The following PHLPP1 variants were observed in gnomAD, a reference collection of about 807,000 sequenced individuals.
PHLPP1 encodes the protein PH domain and leucine rich repeat protein phosphatase 1.
Under a neutral mutation model 117.2 loss-of-function variants are expected in PHLPP1, and 42 were observed. That is an observed-to-expected ratio of 0.36 (90% CI 0.28 to 0.46). The LOEUF (loss-of-function observed/expected upper bound fraction) is 0.46, where lower values mean the gene tolerates loss of function less well. Among genes scored for constraint, PHLPP1 ranks in the 20% least tolerant of loss-of-function variants. The pLI, the probability that PHLPP1 is intolerant of heterozygous loss-of-function variation, is 1.00. For missense variants in PHLPP1, 2,084 were observed against 2,241.9 expected, an observed-to-expected ratio of 0.93 and a Z score of 1.42; for synonymous variants, 1,042 against 970.7, an observed-to-expected ratio of 1.07 and a Z score of -1.37.
At chr18:62,767,037 C>T (rs552396403) in intron 1 of PHLPP1, among the ~76,000 whole-genome samples, 39 of 152,190 alleles carry the variant, frequency 2.6e-4, no homozygotes, top group Non-Finnish European at 5.0e-4. Context: ...GCCAGCCACT[C>T]TCCTGCCAGA....
chr18:62,831,342 C>CTTTTTT (rs11293256), intron 2 of PHLPP1, among the ~76,000 whole-genome samples: 1 of 143,236 alleles, frequency 7.0e-6, no homozygotes, highest in Admixed American at 7.1e-5. Flanking sequence ...TTTTCTTTTT[C>CTTTTTT]TTTTTTTTTT....
At chr18:62,769,014 CTA>C (rs906850794) in intron 1 of PHLPP1, among the ~76,000 whole-genome samples, 1 of 152,006 alleles carries the variant, frequency 6.6e-6, no homozygotes, top group Non-Finnish European at 1.5e-5. Context: ...TAGAAATAAA[CTA>C]TTGAAAGTTT....
intron 13 of PHLPP1, among the ~76,000 whole-genome samples, chr18:62,960,777 C>T (rs1197711532): frequency 5.9e-5 from 9 of 152,282 alleles, no homozygotes; most frequent in East Asian, 5.8e-4. Flanking sequence ...TTAAAATATT[C>T]ACTTACTCAG....
chr18:62,802,762 A>T (rs969176794), intron 1 of PHLPP1, among the ~76,000 whole-genome samples: 3 of 152,164 alleles, frequency 2.0e-5, no homozygotes, highest in Admixed American at 6.5e-5. Flanking sequence ...CGTGGAACTT[A>T]CTTGGGCAAA....
At chr18:62,833,836 A>G (rs1231307352) in intron 2 of PHLPP1, among the ~76,000 whole-genome samples, 1 of 152,196 alleles carries the variant, frequency 6.6e-6, no homozygotes, top group Admixed American at 6.5e-5. Context: ...TATAATAACA[A>G]CAGTGCTGCT....
At chr18:62,884,550 A>T (rs1289004586) in intron 4 of PHLPP1, among the ~76,000 whole-genome samples, 2 of 152,228 alleles carry the variant, frequency 1.3e-5, no homozygotes, top group South Asian at 4.1e-4. Context: ...ATTGATGCAA[A>T]GTAGGGGGCA....
chr18:62,764,815 CG>C (rs1212701025), intron 1 of PHLPP1, among the ~76,000 whole-genome samples: 1 of 152,232 alleles, frequency 6.6e-6, no homozygotes, highest in Admixed American at 6.5e-5. Flanking sequence ...GCCATATCCA[CG>C]GATGTCATCT....
Position 62,824,921 on chromosome 18 carries a change from C to T in PHLPP1, c.1577-5114C>T, listed in dbSNP as rs192338562. On this transcript the variant is annotated intron_variant, in intron 1 of 16. Coordinates refer to ENST00000262719, the MANE Select transcript of PHLPP1 (RefSeq NM_194449.4). ...TTTTTTTAACAGTGGTCAAATGAGCCAATATATATACTTTTTTTTTTTTGA... is the reference window on the plus strand; with the variant it reads ...TTTTTTTAACAGTGGTCAAATGAGCTAATATATATACTTTTTTTTTTTTGA... Among the ~76,000 whole-genome samples, 19 of 150,538 alleles carry T rather than the reference C, an allele frequency of 1.3e-4. No individual in the cohort carries two copies. The Admixed American group carries it at 1.3e-3, about 10-fold the overall frequency.
intron 10 of PHLPP1, among the ~76,000 whole-genome samples, chr18:62,924,779 C>T (rs890765894): frequency 6.7e-5 from 10 of 148,748 alleles, no homozygotes; most frequent in Admixed American, 2.7e-4. Context: ...TCGAGGCTGC[C>T]GTGAGCTCTG....
chr18:62,775,927 T>C (rs1307323447), intron 1 of PHLPP1, among the ~76,000 whole-genome samples: 2 of 152,134 alleles, frequency 1.3e-5, no homozygotes, highest in African/African-American at 4.8e-5. Flanking sequence ...ATTTCTATAA[T>C]TTTGTATAAA....
Position 62,716,234 on chromosome 18 carries a change from C to T in PHLPP1, c.551C>T (p.Thr184Met). The change falls in exon 1 of 17, where the codon ACG becomes ATG. Residue 184 changes from threonine (T) to methionine (M), a missense_variant. Physicochemically the swap from Thr to Met is moderately conservative, Grantham distance 81. This residue lies in a region of PHLPP1 where 719 missense variants were observed against 636.0 expected (regional missense o/e 1.13). Transcript: ENST00000262719. This position sits in a 1 kb window ranked among gnomAD's most constrained non-coding sequence, Gnocchi z 5.7. ...RKTLLLKHRQ[T>M]LQLQPSDRDW... ...ACGCTGCTTCTGAAGCACCGGCAGA[C>T]GCTGCAGCTGCAGCCGTCGGACCGG... 6.5e-7 allele frequency: 1 copy of T among 1,528,958 alleles called. No individual in the cohort carries two copies. Among genetic ancestry groups the T allele is most frequent in the Non-Finnish European group, 8.7e-7 (1 of 1,143,922 alleles). 94.7% of individuals were successfully genotyped at this position (1,528,958 alleles called of 1,614,324 possible). A position where few individuals can be genotyped will look rare whatever the true frequency, so the allele number is the denominator to read the frequency against.
intron 4 of PHLPP1, among the ~76,000 whole-genome samples, chr18:62,882,775 A>G (rs1055363063): frequency 3.9e-5 from 6 of 152,116 alleles, no homozygotes; most frequent in African/African-American, 1.2e-4. Context: ...AGAAACATGA[A>G]GTAAGTGTAA....
rs375007409 is a variant in PHLPP1, at chr18:62,851,154, G to A, written c.1900-9281G>A. Reference sequence around the variant, plus strand: ...ATTCAGGTTAGCTTGATGGCCCCGCGCATGCTGCCTCCTCATCCCCATCCC... The same window carrying A: ...ATTCAGGTTAGCTTGATGGCCCCGCACATGCTGCCTCCTCATCCCCATCCC... On this transcript the variant is annotated intron_variant, in intron 3 of 16. Coordinates refer to ENST00000262719, the MANE Select transcript of PHLPP1 (RefSeq NM_194449.4). Among the ~76,000 whole-genome samples, 19 of 152,232 alleles carry A rather than the reference G, an allele frequency of 1.2e-4. No homozygotes were observed. In the East Asian group the frequency reaches 2.3e-3, roughly 19 times the overall value.
intron 10 of PHLPP1, among the ~76,000 whole-genome samples, chr18:62,921,503 A>G (rs1909468678): frequency 6.6e-6 from 1 of 152,180 alleles, no homozygotes; most frequent in Non-Finnish European, 1.5e-5. Flanking sequence ...CACACACTGT[A>G]TTGTAATTTC....
At chr18:62,770,890 A>G (rs1912743869) in intron 1 of PHLPP1, among the ~76,000 whole-genome samples, 1 of 152,196 alleles carries the variant, frequency 6.6e-6, no homozygotes, top group Non-Finnish European at 1.5e-5. Context: ...AATTTTGTGC[A>G]TGAAACAAAG....
At chr18:62,862,245 A>G (rs1350031351) in intron 4 of PHLPP1, among the ~76,000 whole-genome samples, 2 of 151,668 alleles carry the variant, frequency 1.3e-5, no homozygotes, top group African/African-American at 4.8e-5. Context: ...CACCTGGCTA[A>G]TTTTTTTGTA....
intron 1 of PHLPP1, among the ~76,000 whole-genome samples, chr18:62,796,568 T>C (rs1913636180): frequency 6.6e-6 from 1 of 152,220 alleles, no homozygotes; most frequent in South Asian, 2.1e-4. Context: ...GCCAGATAGT[T>C]TATGAACTTG....
intron 3 of PHLPP1, among the ~76,000 whole-genome samples, chr18:62,858,714 C>G (rs997819337): frequency 4.6e-5 from 7 of 152,100 alleles, no homozygotes; most frequent in African/African-American, 7.2e-5. Flanking sequence ...GAGGATCAAC[C>G]TAGCCTAGTA....
At chr18:62,922,311 A>G (rs541701346) in intron 10 of PHLPP1, among the ~76,000 whole-genome samples, 1 of 152,204 alleles carries the variant, frequency 6.6e-6, no homozygotes, top group East Asian at 1.9e-4. Flanking sequence ...TAATTTTTGT[A>G]ATTTTAGTAG....
Sources: gnomAD v4.1 joint callset for allele counts (sites outside exome capture counted in the v4.1 genomes callset) on GRCh38, gnomAD v4.1.1 for gene constraint, gnomAD v4.1.1 regional missense constraint, Gnocchi (gnomAD v3.1) non-coding constraint, MANE v1.5 for transcripts, NCBI Gene and HGNC (gene_info 2026-07-23, HGNC 2026-07-21) for gene names.